Variants in CFAP69 observed in about 807,000 individuals in gnomAD.
CFAP69 encodes cilia- and flagella-associated protein 69.
A neutral mutation model predicts 123.0 loss-of-function variants in CFAP69; 92 were observed. The observed-to-expected ratio is 0.75, with a 90% CI of 0.63 to 0.89. CFAP69 has a LOEUF of 0.89. Among genes scored for constraint, CFAP69 ranks in the 40% least tolerant of loss-of-function variants. The probability of loss-of-function intolerance (pLI) is 0.00; values close to 1 mark genes in which losing one functional copy is unlikely to be tolerated. For synonymous variants in CFAP69, 380 were observed against 364.3 expected (o/e 1.04, Z -0.49); for missense variants, 1,067 against 1,096.9 (o/e 0.97, Z 0.39).
intron 6 of CFAP69, among the ~76,000 whole-genome samples, chr7:90,271,264 G>A (rs907665395): frequency 6.6e-6 from 1 of 152,014 alleles, no homozygotes; most frequent in African/African-American, 2.4e-5. Flanking sequence ...ACTTATATTT[G>A]TACTGTTTAT....
At chr7:90,253,279 A>G (rs1243633843) in intron 1 of CFAP69, among the ~76,000 whole-genome samples, 1 of 152,176 alleles carries the variant, frequency 6.6e-6, no homozygotes, top group Non-Finnish European at 1.5e-5. Flanking sequence ...AGTCAAAACC[A>G]CACTTAGAAT....
chr7:90,296,252 G>A (rs946418894), intron 15 of CFAP69, among the ~76,000 whole-genome samples: 2 of 152,158 alleles, frequency 1.3e-5, no homozygotes, highest in African/African-American at 4.8e-5. Context: ...GACAAGGCCT[G>A]TAAATATTTT....
intron 11 of CFAP69, among the ~76,000 whole-genome samples, chr7:90,277,669 A>G (rs2117005269): frequency 6.6e-6 from 1 of 152,254 alleles, no homozygotes; most frequent in Admixed American, 6.5e-5. Flanking sequence ...TGACCATAAC[A>G]AGGACTGATT....
intron 17 of CFAP69, chr7:90,303,638 A>C: frequency 1.0e-6 from 1 of 977,870 alleles, no homozygotes; most frequent in South Asian, 4.7e-5. Flanking sequence ...AAACAAGGTT[A>C]CATCACTGTT....
chr7:90,282,856 A>G (rs1209526201), intron 12 of CFAP69, 36 bp from the exon 13 acceptor site: 1 of 1,407,852 alleles, frequency 7.1e-7, no homozygotes, highest in Non-Finnish European at 9.3e-7. Flanking sequence ...TTTATTTGAA[A>G]TGTTTTTGTT....
At chr7:90,275,896 C>G (rs1009887067) in intron 9 of CFAP69, 8 of 152,256 alleles carry the variant, frequency 5.3e-5, no homozygotes, top group African/African-American at 1.9e-4. Context: ...GCCACCGCGC[C>G]CGGCCCCAAA....
At chr7:90,253,299 C>T (rs767407421) in intron 1 of CFAP69, among the ~76,000 whole-genome samples, 2 of 152,040 alleles carry the variant, frequency 1.3e-5, no homozygotes, top group Non-Finnish European at 2.9e-5. Flanking sequence ...TTTGTAGATC[C>T]CTGTATCATC....
In CFAP69 at chr7:90,309,522, A is replaced by T. The variant is rs184743708; in HGVS notation, c.2655+155A>T. Among the ~76,000 whole-genome samples the T allele has an allele frequency of 8.9e-3, 1,360 of 152,122 alleles. 20 individuals carry two copies. Among genetic ancestry groups the T allele is most frequent in the African/African-American group, 0.03 (1,256 of 41,548 alleles). On this transcript the variant is annotated intron_variant, in intron 22 of 22. Transcript: ENST00000389297. ...ATCTCAATAAAACTGTTCAAAAAAA[A>T]TTTTAAATTTAAAAATTAGAAGTTA...
chr7:90,280,004 A>T, intron 12 of CFAP69, 111 bp downstream of exon 12: 1 of 764,556 alleles, frequency 1.3e-6, no homozygotes, highest in East Asian at 2.9e-5. Flanking sequence ...TGAGAAGTAA[A>T]AACACACAGA....
intron 5 of CFAP69, 41 bp downstream of exon 5, chr7:90,265,418 G>A (rs780437863): frequency 2.0e-5 from 26 of 1,318,532 alleles, no homozygotes; most frequent in South Asian, 1.3e-4. Context: ...TGTAACATAC[G>A]ACAGGTCCTA....
chr7:90,289,020 T>G (rs765103693), intron 15 of CFAP69, among the ~76,000 whole-genome samples: 2 of 152,016 alleles, frequency 1.3e-5, no homozygotes, highest in Non-Finnish European at 2.9e-5. Context: ...TTCTATAAGT[T>G]TCTTCTGTTT....
At position 90,310,215 on chromosome 7, in the gene CFAP69, C is replaced by T; in HGVS notation, c.2803C>T (p.Pro935Ser). 6.2e-7 allele frequency: 1 copy of T among 1,610,428 alleles called. No individual in the cohort carries two copies. The highest frequency in any genetic ancestry group is 8.5e-7 in the Non-Finnish European group (1 of 1,178,686). Residue 935 changes from proline to serine, a missense_variant, in exon 23 of 23, where the codon CCA becomes TCA. Transcript: ENST00000389297. ...GAAAGCAGTTAAAATTGTGGATGCA[C>T]CAAAAAAGAGTATTCCTACGTAATA... ...RVKAVKIVDA[P>S]KKSIPT
intron 2 of CFAP69, among the ~76,000 whole-genome samples, chr7:90,256,155 T>A (rs1584320836): frequency 6.6e-6 from 1 of 152,086 alleles, no homozygotes; most frequent in Non-Finnish European, 1.5e-5. Flanking sequence ...ATAGACTGGA[T>A]AAAGAAAACG....
At chr7:90,263,234 T>C (rs1798579268) in intron 4 of CFAP69, among the ~76,000 whole-genome samples, 1 of 152,190 alleles carries the variant, frequency 6.6e-6, no homozygotes, top group South Asian at 2.1e-4. Context: ...TCATTTTCCC[T>C]CATATTTCAT....
At chr7:90,284,946 A>G (rs567206270) in intron 13 of CFAP69, among the ~76,000 whole-genome samples, 5 of 152,318 alleles carry the variant, frequency 3.3e-5, no homozygotes, top group East Asian at 3.9e-4. Context: ...TTATATGTAC[A>G]ATGTTATGTT....
the CFAP69 span, among the ~76,000 whole-genome samples, chr7:90,320,190 C>T: frequency 6.6e-6 from 1 of 152,188 alleles, no homozygotes; most frequent in African/African-American, 2.4e-5. Context: ...CTACATGTAA[C>T]ATAGGAAGTA....
intron 19 of CFAP69, 124 bp from the exon 20 acceptor site, chr7:90,306,777 G>T: frequency 1.5e-6 from 1 of 662,380 alleles, no homozygotes. Flanking sequence ...CTTATTCCCA[G>T]GAAGTAATTT....
chr7:90,252,960 A>G (rs1797201420), intron 1 of CFAP69, among the ~76,000 whole-genome samples: 1 of 152,206 alleles, frequency 6.6e-6, no homozygotes, highest in Non-Finnish European at 1.5e-5. Flanking sequence ...CTGCCATGGT[A>G]TTAACTAACA....
At chr7:90,309,480 G>A (rs894050631) in intron 22 of CFAP69, 113 bp downstream of exon 22, 4 of 502,518 alleles carry the variant, frequency 8.0e-6, no homozygotes, top group South Asian at 5.9e-5. Context: ...TGGATGGATT[G>A]TGTGGTATTG....
Sources: allele counts gnomAD v4.1 joint callset (sites outside exome capture counted in the v4.1 genomes callset), GRCh38; gene constraint gnomAD v4.1.1; transcripts MANE v1.5; gene names NCBI Gene and HGNC (gene_info 2026-07-23, HGNC 2026-07-21).